The following KSR1 variants were observed in gnomAD, a reference collection of about 807,000 sequenced individuals.
KSR1 encodes the protein kinase suppressor of ras 1, also known as kinase suppressor of ras.
A neutral mutation model predicts 92.9 loss-of-function variants in KSR1; 35 were observed. The observed-to-expected ratio is 0.38, with a 90% CI of 0.29 to 0.50. KSR1 has a LOEUF of 0.50. Among genes scored for constraint, KSR1 ranks in the 20% least tolerant of loss-of-function variants. KSR1 has a pLI of 0.94. For synonymous variants in KSR1, 467 were observed against 472.6 expected (o/e 0.99, Z 0.15); for missense variants, 972 against 1,158.5 (o/e 0.84, Z 2.34).
At chr17:27,542,879 G>A (rs1175279140) in intron 1 of KSR1, among the ~76,000 whole-genome samples, 1 of 152,232 alleles carries the variant, frequency 6.6e-6, no homozygotes, top group African/African-American at 2.4e-5. Flanking sequence ...AGGAGACTAA[G>A]ATGATATGAT....
At chr17:27,491,932 G>A (rs911454350) in intron 1 of KSR1, among the ~76,000 whole-genome samples, 1 of 152,222 alleles carries the variant, frequency 6.6e-6, no homozygotes, top group Non-Finnish European at 1.5e-5. Flanking sequence ...TGTTAAGGGA[G>A]CAGTTGGTAG....
intron 4 of KSR1, 49 bp downstream of exon 4, chr17:27,583,154 T>C (rs551786968): frequency 4.0e-5 from 52 of 1,296,840 alleles, no homozygotes; most frequent in Non-Finnish European, 5.0e-5. Flanking sequence ...TGTGGTTTTC[T>C]AATCATAAAG....
chr17:27,534,615 T>G (rs1026962155), intron 1 of KSR1, among the ~76,000 whole-genome samples: 4 of 152,252 alleles, frequency 2.6e-5, no homozygotes, highest in African/African-American at 9.6e-5. Context: ...ATACTGCCCC[T>G]GGCTGGCATT....
chr17:27,528,856 G>A lies in KSR1; in HGVS notation c.232-21712G>A, dbSNP rs571070553. Among the ~76,000 whole-genome samples, 12 of 152,186 alleles carry A rather than the reference G, an allele frequency of 7.9e-5. No individual in the cohort carries two copies. In the South Asian group the frequency reaches 2.1e-3, roughly 26 times the overall value. On this transcript the variant is annotated intron_variant, in intron 1 of 20. Transcript: ENST00000644974. Reference sequence around the variant, plus strand: ...GGAGTGTGAGGTTGCAGTGAGCTACGGTCATGCCACTGCACTTCACCCTGG... The same window carrying A: ...GGAGTGTGAGGTTGCAGTGAGCTACAGTCATGCCACTGCACTTCACCCTGG...
rs549699753 is a variant in KSR1, at chr17:27,552,060, A to G, written c.372+1352A>G. Among the ~76,000 whole-genome samples the G allele has an allele frequency of 2.6e-5, 4 of 152,254 alleles. No individual in the cohort carries two copies. The South Asian group carries it at 6.2e-4, about 24-fold the overall frequency. Reference sequence around the variant, plus strand: ...CCCACTTCCCTGGAGTGCTCTGCCCATGACTCATCCCTTGAATATTTTTCT... The same window carrying G: ...CCCACTTCCCTGGAGTGCTCTGCCCGTGACTCATCCCTTGAATATTTTTCT... On this transcript the variant is annotated intron_variant, in intron 2 of 20. Transcript: ENST00000644974.
chr17:27,549,789 G>A (rs1306813291), intron 1 of KSR1, among the ~76,000 whole-genome samples: 1 of 152,188 alleles, frequency 6.6e-6, no homozygotes, highest in Non-Finnish European at 1.5e-5. Context: ...GTCTCTCTGA[G>A]AGTCAGCTTC....
intron 14 of KSR1, 122 bp downstream of exon 14, chr17:27,605,935 C>T (rs1338431894): frequency 3.2e-6 from 4 of 1,246,284 alleles, no homozygotes; most frequent in African/African-American, 1.5e-5. Context: ...AAGAAGAAAA[C>T]CAAAAATGGG....
intron 2 of KSR1, among the ~76,000 whole-genome samples, chr17:27,558,582 G>A (rs1215526802): frequency 6.6e-6 from 1 of 152,140 alleles, no homozygotes; most frequent in African/African-American, 2.4e-5. Context: ...GCACATGGAG[G>A]CCCTGGCAAA....
intron 1 of KSR1, among the ~76,000 whole-genome samples, chr17:27,506,800 C>T (rs1022092530): frequency 6.6e-6 from 1 of 151,850 alleles, no homozygotes; most frequent in Non-Finnish European, 1.5e-5. Flanking sequence ...CCTGCCCAAG[C>T]CTGAGGAAGA....
chr17:27,553,710 C>T lies in KSR1; in HGVS notation c.372+3002C>T, dbSNP rs535143337. On this transcript the variant is annotated intron_variant, in intron 2 of 20. Coordinates refer to ENST00000644974, the MANE Select transcript of KSR1 (RefSeq NM_001394583.1). ...CTTCTCAAGATTTCTCTTTTTCTTC[C>T]TCCCAAATCTCATGTCAGTTCCTGG... 5.9e-5 allele frequency among the ~76,000 whole-genome samples: 9 copies of T among 152,370 alleles called. No individual in the cohort carries two copies. In the East Asian group the frequency reaches 1.7e-3, roughly 29 times the overall value.
chr17:27,604,574 A>T, intron 12 of KSR1, 106 bp from the exon 13 acceptor site: 1 of 1,140,064 alleles, frequency 8.8e-7, no homozygotes, highest in Non-Finnish European at 1.3e-6. Context: ...GCCAGGTGTG[A>T]GTCAGAGTAA....
chr17:27,549,192 C>T (rs2071300149), intron 1 of KSR1, among the ~76,000 whole-genome samples: 1 of 152,176 alleles, frequency 6.6e-6, no homozygotes, highest in Non-Finnish European at 1.5e-5. Flanking sequence ...GAAGTGTCTC[C>T]AGAAGACAGG....
At position 27,626,301 on chromosome 17, in the gene KSR1, C is replaced by T. The variant is rs2074338827; in HGVS notation, c.*2909C>T. ...CAACTACATTTGTCTTCCAGACATGCTATTAATTTAAATTAAAATGGTTAG... is the reference window on the plus strand; with the variant it reads ...CAACTACATTTGTCTTCCAGACATGTTATTAATTTAAATTAAAATGGTTAG... On this transcript the variant is annotated 3_prime_UTR_variant, in exon 21 of 21. Coordinates refer to ENST00000644974, the MANE Select transcript of KSR1 (RefSeq NM_001394583.1). The T allele has an allele frequency of 6.6e-6, 1 of 152,258 alleles. No individual in the cohort carries two copies. The highest frequency in any genetic ancestry group is 6.5e-5 in the Admixed American group (1 of 15,288). The allele number at this position is 152,258 out of a possible 1,614,324, so 9.4% of individuals were successfully genotyped here. A position where few individuals can be genotyped will look rare whatever the true frequency, so the allele number is the denominator to read the frequency against.
At chr17:27,613,079 G>A (rs1006075193) in intron 18 of KSR1, 1 of 152,200 alleles carries the variant, frequency 6.6e-6, no homozygotes. Flanking sequence ...CTCCAAAGAT[G>A]ACACCAAAAT....
At chr17:27,491,877 A>C (rs1267604158) in intron 1 of KSR1, among the ~76,000 whole-genome samples, 1 of 152,126 alleles carries the variant, frequency 6.6e-6, no homozygotes, top group East Asian at 1.9e-4. Context: ...TTGCCCTCAC[A>C]GGCTGGCTCC....
intron 1 of KSR1, among the ~76,000 whole-genome samples, chr17:27,495,688 A>C (rs1158324150): frequency 6.6e-6 from 1 of 152,186 alleles, no homozygotes; most frequent in Non-Finnish European, 1.5e-5. Context: ...ATTTCAGAAT[A>C]ACAGGGCGAG....
intron 19 of KSR1, among the ~76,000 whole-genome samples, chr17:27,619,895 G>A (rs1436277277): frequency 6.6e-6 from 1 of 152,056 alleles, no homozygotes; most frequent in Non-Finnish European, 1.5e-5. Context: ...GTGTTTTTTG[G>A]TAGAGATGGG....
Position 27,592,396 on chromosome 17 carries a change from C to T in KSR1, c.1166C>T (p.Pro389Leu). ...CACAACAAATGTACCAAAGAAGCCC[C>T]TGCCTGTAGAATATCCTTCCTGCCA... ...KCHNKCTKEA[P>L]ACRISFLPLT... The change falls in exon 8 of 21, where the codon CCT (proline) becomes CTT (leucine). Residue 389 changes from proline (P) to leucine (L), a missense_variant. Coordinates refer to ENST00000644974, the MANE Select transcript of KSR1 (RefSeq NM_001394583.1). 6 of 1,614,000 alleles carry T rather than the reference C, an allele frequency of 3.7e-6. No homozygotes were observed. The highest frequency in any genetic ancestry group is 5.1e-6 in the Non-Finnish European group (6 of 1,179,890).
chr17:27,605,444 C>G lies in KSR1; in HGVS notation c.1625C>G (p.Pro542Arg), dbSNP rs1175599434. 6 of 1,609,780 alleles carry G rather than the reference C, an allele frequency of 3.7e-6. No homozygotes were observed. The South Asian group carries it at 6.7e-5, about 18-fold the overall frequency. Residue 542 changes from proline to arginine, a missense_variant, in exon 14 of 21, where the codon CCA (proline) becomes CGA (arginine). This residue lies in a region of KSR1 where 611 missense variants were observed against 668.0 expected (regional missense o/e 0.91). Coordinates refer to ENST00000644974, the MANE Select transcript of KSR1 (RefSeq NM_001394583.1). ...LEAHEAEAEE[P>R]EAGKSEAEDD... ...CTGCTCTCCTTTCAGGCTGAGGAGCCAGAGGCTGGCAAGTCAGAGGCAGAA... is the reference window on the plus strand; with the variant it reads ...CTGCTCTCCTTTCAGGCTGAGGAGCGAGAGGCTGGCAAGTCAGAGGCAGAA...
Sources: gnomAD v4.1 joint callset for allele counts (sites outside exome capture counted in the v4.1 genomes callset) on GRCh38, gnomAD v4.1.1 for gene constraint, gnomAD v4.1.1 regional missense constraint, MANE v1.5 for transcripts, NCBI Gene and HGNC (gene_info 2026-07-23, HGNC 2026-07-21) for gene names.